SGK2: variants seen among roughly 807,000 people sequenced by gnomAD.
SGK2 encodes serum/glucocorticoid regulated kinase 2.
Under a neutral mutation model 47.5 loss-of-function variants are expected in SGK2, and 36 were observed. The ratio of observed to expected loss-of-function variants is 0.76; its 90% CI spans 0.58 to 1.00. SGK2 has a LOEUF of 1.00. Ranked by LOEUF, SGK2 falls within the 50% of genes least tolerant of loss-of-function variation. The probability of loss-of-function intolerance (pLI) is 0.00; values close to 1 mark genes in which losing one functional copy is unlikely to be tolerated. For synonymous variants in SGK2, 157 were observed against 181.9 expected (o/e 0.86, Z 1.10); for missense variants, 404 against 467.4 (o/e 0.86, Z 1.25).
intron 1 of SGK2, among the ~76,000 whole-genome samples, chr20:43,562,656 G>A (rs937183129): frequency 8.6e-5 from 13 of 151,860 alleles, no homozygotes; most frequent in East Asian, 1.9e-4. Flanking sequence ...CAGGAGAATC[G>A]CTTGAACCAG....
rs551938061 is a variant in SGK2, at chr20:43,577,707, G to A, written c.849+1328G>A. Among the ~76,000 whole-genome samples the A allele has an allele frequency of 3.5e-5, 5 of 143,640 alleles. No homozygotes were observed. In the East Asian group the frequency reaches 6.3e-4, roughly 18 times the overall value. 94.2% of individuals were successfully genotyped at this position (143,640 alleles called of 152,430 possible). ...CACCCAGGCTGGAGTGCAGTGGCAC[G>A]ATCTCAACTCACTGCAACCTCCATC... On this transcript the variant is annotated intron_variant, in intron 11 of 12. Coordinates refer to ENST00000373100, the MANE Select transcript of SGK2 (RefSeq NM_170693.3).
Position 43,572,079 on chromosome 20 carries a change from T to C in SGK2, c.539T>C (p.Leu180Pro). 6.5e-7 allele frequency: 1 copy of C among 1,549,862 alleles called. No homozygotes were observed. Among genetic ancestry groups the C allele is most frequent in the East Asian group, 2.4e-5 (1 of 40,966 alleles). The change falls in exon 9 of 13, where the codon CTC becomes CCC. Residue 180 changes from leucine to proline, a missense_variant. Coordinates refer to ENST00000373100, the MANE Select transcript of SGK2 (RefSeq NM_170693.3). The surrounding 1 kb of genome is among the most constrained non-coding windows in gnomAD (Gnocchi z 4.2). ...QGHVVLTDFGLCKEGVEPEDT... is the reference protein window; with the variant it reads ...QGHVVLTDFGPCKEGVEPEDT... ...CACGTGGTGCTGACGGATTTTGGCC[T>C]CTGCAAGGAAGGTGTAGAGCCTGAA...
chr20:43,581,898 G>A (rs1208464303), intron 12 of SGK2, among the ~76,000 whole-genome samples: 3 of 152,142 alleles, frequency 2.0e-5, no homozygotes, highest in Non-Finnish European at 4.4e-5. Flanking sequence ...TCCTACCAGC[G>A]GCACTTGCTG....
Position 43,574,977 on chromosome 20 carries a change from A to G in SGK2, c.666A>G (p.Ala222=), listed in dbSNP as rs1211199630. Residue 222 remains alanine, a synonymous_variant, in exon 10 of 13, where the codon GCA becomes GCG. Coordinates refer to ENST00000373100, the MANE Select transcript of SGK2 (RefSeq NM_170693.3). ...CAGTGGACTGGTGGTGCTTGGGGGC[A>G]GTCCTCTACGAGATGCTCCATGGCC... ...DRAVDWWCLG[A]VLYEMLHGLP... The G allele has an allele frequency of 1.9e-6, 3 of 1,613,790 alleles. No homozygotes were observed. Among genetic ancestry groups the G allele is most frequent in the Admixed American group, 1.7e-5 (1 of 59,998 alleles).
intron 12 of SGK2, 49 bp downstream of exon 12, chr20:43,580,110 C>A: frequency 8.5e-7 from 1 of 1,171,244 alleles, no homozygotes; most frequent in Non-Finnish European, 1.2e-6. Flanking sequence ...GCTGGGGGAG[C>A]TTGCTATGCT....
chr20:43,582,094 C>T (rs1262149567), intron 12 of SGK2, among the ~76,000 whole-genome samples: 1 of 152,190 alleles, frequency 6.6e-6, no homozygotes, highest in African/African-American at 2.4e-5. Context: ...ATCACCCAGG[C>T]TGATGTGCAG....
At chr20:43,571,987 G>A (rs1327072706) in intron 8 of SGK2, 64 bp from the exon 9 acceptor site, 4 of 1,207,090 alleles carry the variant, frequency 3.3e-6, no homozygotes, top group East Asian at 5.2e-5. Flanking sequence ...GGGCTTTGGG[G>A]GTTAGGCCTG....
In SGK2 at chr20:43,580,061, G is replaced by A; in HGVS notation, c.939G>A (p.Val313=). The stretch of plus-strand genomic sequence containing the variant: ...TAACTCCACCCTTCAACCCAAATGT[G>A]GTAAGAGGTCACAGCATTCTAGACT... ...KRLTPPFNPN[V]TGPADLKHFD... is the part of the protein sequence containing the mutation. The change falls in exon 12 of 13, where the codon GTG becomes GTA. Residue 313 remains valine, a splice_region_variant and synonymous_variant. Coordinates refer to ENST00000373100, the MANE Select transcript of SGK2 (RefSeq NM_170693.3). 1.3e-6 allele frequency: 2 copies of A among 1,585,504 alleles called. No homozygotes were observed. Among genetic ancestry groups the A allele is most frequent in the Non-Finnish European group, 1.7e-6 (2 of 1,163,736 alleles).
intron 3 of SGK2, 124 bp from the exon 4 acceptor site, chr20:43,567,541 A>T: frequency 1.2e-6 from 1 of 848,538 alleles, no homozygotes; most frequent in Non-Finnish European, 1.9e-6. Context: ...GTGAGGAGGC[A>T]TGGCTCCTGG....
At position 43,574,920 on chromosome 20, in the gene SGK2, T is replaced by A; in HGVS notation, c.609T>A (p.Pro203=). The A allele has an allele frequency of 6.2e-7, 1 of 1,613,222 alleles. No homozygotes were observed. Among genetic ancestry groups the A allele is most frequent in the South Asian group, 1.1e-5 (1 of 91,076 alleles). Residue 203 remains proline (P), a synonymous_variant, in exon 10 of 13, where the codon CCT becomes CCA. Coordinates refer to ENST00000373100, the MANE Select transcript of SGK2 (RefSeq NM_170693.3). ...TFCGTPEYLA[P]EVLRKEPYDR... is the part of the protein sequence containing the mutation. ...TTTCCTTCTAACAGTACTTGGCACC[T>A]GAAGTGCTTCGGAAAGAGCCTTATG... is the stretch of plus-strand genomic sequence containing the variant.
At chr20:43,579,675 G>A (rs1287636088) in intron 11 of SGK2, among the ~76,000 whole-genome samples, 2 of 152,168 alleles carry the variant, frequency 1.3e-5, no homozygotes, top group Non-Finnish European at 2.9e-5. Flanking sequence ...AGCAGATTCT[G>A]ATGTATTATT....
chr20:43,569,414 G>A lies in SGK2; in HGVS notation c.258G>A (p.Val86=). The A allele has an allele frequency of 6.2e-7, 1 of 1,614,006 alleles. No individual in the cohort carries two copies. The highest frequency in any genetic ancestry group is 8.5e-7 in the Non-Finnish European group (1 of 1,180,020). ...EQSHIMAERS[V]LLKNVRHPFL... is the part of the protein sequence containing the mutation. ...GCCACATCATGGCAGAGCGCAGTGT[G>A]CTTCTGAAGAACGTGCGGCACCCCT... Residue 86 remains valine (V), a synonymous_variant, in exon 6 of 13, where the codon GTG becomes GTA. Coordinates refer to ENST00000373100, the MANE Select transcript of SGK2 (RefSeq NM_170693.3).
At chr20:43,582,497 C>G (rs1980861711) in intron 12 of SGK2, among the ~76,000 whole-genome samples, 1 of 149,480 alleles carries the variant, frequency 6.7e-6, no homozygotes, top group Middle Eastern at 3.7e-3. Flanking sequence ...AAGCAATTCT[C>G]CTGCCTCAGC....
In SGK2 at chr20:43,570,858, C is replaced by T. The variant is rs1980065569; in HGVS notation, c.473+129C>T. On this transcript the variant is annotated intron_variant, in intron 7 of 12. Transcript: ENST00000373100. The stretch of plus-strand genomic sequence containing the variant: ...CCTTTGTTTTGGGTGGGGTTGGAGT[C>T]TCCTCCTCCGAGGTCCAAGTGCCCA... 3.1e-6 allele frequency: 4 copies of T among 1,283,846 alleles called. No individual in the cohort carries two copies. In the Admixed American group the frequency reaches 7.3e-5, roughly 23 times the overall value. The allele number at this position is 1,283,846 out of a possible 1,614,324, so 79.5% of individuals were successfully genotyped here.
At chr20:43,567,013 A>AAGGG in intron 2 of SGK2, 55 bp from the exon 3 acceptor site, 1 of 1,445,198 alleles carries the variant, frequency 6.9e-7, no homozygotes, top group Non-Finnish European at 9.7e-7. Context: ...GGCCAGGAGA[A>AAGGG]AGGGAGGTAG....
intron 10 of SGK2, 112 bp downstream of exon 10, chr20:43,575,116 A>C (rs986912125): frequency 2.7e-5 from 18 of 675,130 alleles, no homozygotes; most frequent in Non-Finnish European, 4.5e-5. Flanking sequence ...TCTTCATTCC[A>C]GACTAAAAAA....
chr20:43,578,765 G>T (rs1894665), intron 11 of SGK2, among the ~76,000 whole-genome samples: 131,797 of 152,124 alleles, frequency 0.87, 57,190 homozygotes, highest in Middle Eastern at 0.92. Flanking sequence ...CGTAACAACA[G>T]TTAGGGCATC....
Position 43,569,465 on chromosome 20 carries a change from C to G in SGK2, c.309C>G (p.Phe103Leu). ...HPFLVGLRYS[F>L]QTPEKLYFVL... The stretch of plus-strand genomic sequence containing the variant: ...TCCTCGTGGGCCTGCGCTACTCCTT[C>G]CAGACACCTGAGAAGCTCTACTTCG... The change falls in exon 6 of 13, where the codon TTC becomes TTG. Residue 103 changes from phenylalanine to leucine, a missense_variant. Transcript: ENST00000373100. The G allele has an allele frequency of 6.2e-7, 1 of 1,613,896 alleles. No homozygotes were observed. Among genetic ancestry groups the G allele is most frequent in the Non-Finnish European group, 8.5e-7 (1 of 1,180,016 alleles).
intron 11 of SGK2, among the ~76,000 whole-genome samples, chr20:43,577,444 C>T (rs572425623): frequency 9.9e-4 from 149 of 151,266 alleles, no homozygotes; most frequent in African/African-American, 3.5e-3. Flanking sequence ...CTCCTCCTCC[C>T]GAGTTCAAGC....
Sources: allele counts gnomAD v4.1 joint callset (sites outside exome capture counted in the v4.1 genomes callset), GRCh38; gene constraint gnomAD v4.1.1; non-coding constraint Gnocchi (gnomAD v3.1); transcripts MANE v1.5; gene names NCBI Gene and HGNC (gene_info 2026-07-23, HGNC 2026-07-21).